GALNT10: variants seen among roughly 807,000 people sequenced by gnomAD.
The protein encoded by GALNT10 is polypeptide N-acetylgalactosaminyltransferase 10.
Under a neutral mutation model 75.0 loss-of-function variants are expected in GALNT10, and 41 were observed. The ratio of observed to expected loss-of-function variants is 0.55; its 90% confidence interval spans 0.43 to 0.71. The LOEUF (loss-of-function observed/expected upper bound fraction) is 0.71. GALNT10 is among the 30% of genes least tolerant of loss of function. The probability of loss-of-function intolerance (pLI) is 0.00; values close to 1 mark genes in which losing one functional copy is unlikely to be tolerated. For synonymous variants in GALNT10, 302 were observed against 313.0 expected (o/e 0.96, Z 0.37); for missense variants, 727 against 818.5 (o/e 0.89, Z 1.36).
intron 1 of GALNT10, among the ~76,000 whole-genome samples, chr5:154,270,137 T>C (rs993782633): frequency 6.6e-6 from 1 of 151,840 alleles, no homozygotes; most frequent in Non-Finnish European, 1.5e-5. Flanking sequence ...GATAAATGCA[T>C]GTCAGCTATC....
At chr5:154,331,099 G>T (rs192341365) in intron 4 of GALNT10, among the ~76,000 whole-genome samples, 2 of 152,228 alleles carry the variant, frequency 1.3e-5, no homozygotes, top group Admixed American at 1.3e-4. Flanking sequence ...GAACATTGGT[G>T]TGTTGTGTGC....
chr5:154,310,386 G>T (rs1754495722), intron 3 of GALNT10, among the ~76,000 whole-genome samples: 1 of 151,914 alleles, frequency 6.6e-6, no homozygotes. Flanking sequence ...TTTGTAAGCT[G>T]GGAAAGGAAA....
intron 1 of GALNT10, among the ~76,000 whole-genome samples, chr5:154,256,924 T>C (rs1308215757): frequency 6.6e-6 from 1 of 152,052 alleles, no homozygotes; most frequent in Admixed American, 6.6e-5. Flanking sequence ...ATCCATTAAC[T>C]CTTTGGTTTT....
rs1754977151 is a variant in GALNT10 at position 154,338,418 on chromosome 5, T to C, written c.568+8680T>C. On this transcript the variant is annotated intron_variant, in intron 4 of 11. Transcript: ENST00000297107. The stretch of plus-strand genomic sequence containing the variant: ...CCCTCCAATGAAAAGTGTCCTCAGC[T>C]GCTCGGGCTCTTTAGCAGACTCTGA... The C allele has an allele frequency of 7.8e-6, 3 of 387,026 alleles. No individual in the cohort carries two copies. In the Admixed American group the frequency reaches 1.1e-4, roughly 14 times the overall value. 24.0% of individuals were successfully genotyped at this position (387,026 alleles called of 1,614,324 possible).
chr5:154,213,230 AGAGTT>A (rs1441171991), intron 1 of GALNT10, among the ~76,000 whole-genome samples: 2 of 152,176 alleles, frequency 1.3e-5, no homozygotes, highest in Admixed American at 6.5e-5. Flanking sequence ...TTTGTTATAA[AGAGTT>A]GAGATGAGAG....
intron 7 of GALNT10, among the ~76,000 whole-genome samples, chr5:154,399,320 C>T (rs894785546): frequency 1.3e-5 from 2 of 152,192 alleles, no homozygotes; most frequent in Admixed American, 6.5e-5. Context: ...CCTAGCCCGT[C>T]CTTGGAAGGA....
At chr5:154,347,281 A>G (rs1329019685) in intron 4 of GALNT10, 2 of 462,230 alleles carry the variant, frequency 4.3e-6, no homozygotes, top group Non-Finnish European at 8.4e-6. Context: ...TCAGAATCCA[A>G]ACTCAAATTT....
chr5:154,239,548 A>G (rs1461293158), intron 1 of GALNT10, among the ~76,000 whole-genome samples: 3 of 151,706 alleles, frequency 2.0e-5, no homozygotes, highest in Non-Finnish European at 4.4e-5. Context: ...AATGTAATGC[A>G]CTCCCCTCAC....
At chr5:154,406,581 G>C (rs1039800142) in intron 8 of GALNT10, among the ~76,000 whole-genome samples, 1 of 152,240 alleles carries the variant, frequency 6.6e-6, no homozygotes, top group African/African-American at 2.4e-5. Flanking sequence ...CGGATCACCT[G>C]AGGTCAGGAG....
intron 2 of GALNT10, among the ~76,000 whole-genome samples, chr5:154,297,618 C>T (rs28479005): frequency 0.016 from 2,377 of 152,160 alleles, 46 homozygotes; most frequent in African/African-American, 0.053. Flanking sequence ...GAGTTCCTGA[C>T]GGAGTGAGGG....
intron 1 of GALNT10, among the ~76,000 whole-genome samples, chr5:154,214,461 T>C (rs935930790): frequency 2.0e-5 from 3 of 152,096 alleles, no homozygotes; most frequent in Non-Finnish European, 4.4e-5. Context: ...AGAGCCTAAT[T>C]TGGAAAAAGG....
intron 3 of GALNT10, among the ~76,000 whole-genome samples, chr5:154,312,971 T>C (rs546188378): frequency 6.6e-6 from 1 of 152,348 alleles, no homozygotes; most frequent in South Asian, 2.1e-4. Context: ...AATTTTATCA[T>C]GTGGGACAGC....
intron 1 of GALNT10, among the ~76,000 whole-genome samples, chr5:154,293,613 A>ATATATATATATATATATATTTTTTTTT: frequency 9.1e-6 from 1 of 109,358 alleles, no homozygotes; most frequent in African/African-American, 4.2e-5. Context: ...ATATATATAT[A>ATATATATATATATATATATTTTTTTTT]TTTTTTTTTT....
intron 3 of GALNT10, among the ~76,000 whole-genome samples, chr5:154,324,391 A>C (rs1754723868): frequency 6.6e-6 from 1 of 152,222 alleles, no homozygotes; most frequent in African/African-American, 2.4e-5. Context: ...AGGACCACTT[A>C]GAAAGGCCTT....
chr5:154,326,073 CAA>C (rs201544546), intron 3 of GALNT10, among the ~76,000 whole-genome samples: 2 of 143,332 alleles, frequency 1.4e-5, no homozygotes, highest in East Asian at 4.0e-4. Flanking sequence ...TACACACTAG[CAA>C]AAAAAAAAAC....
At chr5:154,198,263 G>A (rs921318998) in intron 1 of GALNT10, among the ~76,000 whole-genome samples, 1 of 152,216 alleles carries the variant, frequency 6.6e-6, no homozygotes, top group Non-Finnish European at 1.5e-5. Context: ...CTGTAAAATG[G>A]TAGTAATGTT....
At chr5:154,378,769 A>G (rs1451718262) in intron 5 of GALNT10, among the ~76,000 whole-genome samples, 1 of 152,256 alleles carries the variant, frequency 6.6e-6, no homozygotes, top group Non-Finnish European at 1.5e-5. Context: ...AGGTGGGCAC[A>G]GTGCCTTAGA....
intron 1 of GALNT10, among the ~76,000 whole-genome samples, chr5:154,275,370 G>T (rs192256): frequency 0.09 from 13,721 of 152,254 alleles, 725 homozygotes; most frequent in African/African-American, 0.16. Flanking sequence ...ATATTGCCAT[G>T]ACAGCCAGGT....
chr5:154,320,960 C>G (rs1015051680), intron 3 of GALNT10, among the ~76,000 whole-genome samples: 2 of 152,200 alleles, frequency 1.3e-5, no homozygotes, highest in Admixed American at 1.3e-4. Flanking sequence ...CCCTTGGTGC[C>G]TCTAGCAGAG....
Sources: gnomAD v4.1 joint callset for allele counts (sites outside exome capture counted in the v4.1 genomes callset) on GRCh38, gnomAD v4.1.1 for gene constraint, MANE v1.5 for transcripts, NCBI Gene and HGNC (gene_info 2026-07-23, HGNC 2026-07-21) for gene names.